Variants in VPS4B observed in about 807,000 individuals in gnomAD.
VPS4B encodes vacuolar protein sorting-associated protein 4B.
VPS4B carries 23 observed loss-of-function variants against 56.1 expected under a neutral mutation model. The ratio of observed to expected loss-of-function variants is 0.41; its 90% CI spans 0.30 to 0.58. The LOEUF (loss-of-function observed/expected upper bound fraction) is 0.58. Among genes scored for constraint, VPS4B ranks in the 20% least tolerant of loss-of-function variants. The pLI is 0.29. For missense variants in VPS4B, 372 were observed against 531.9 expected, an observed-to-expected ratio of 0.70 and a Z score of 2.96; for synonymous variants, 177 against 186.0, an observed-to-expected ratio of 0.95 and a Z score of 0.39.
chr18:63,400,224 T>A, intron 6 of VPS4B, 28 bp from the exon 7 acceptor site: 2 of 1,567,808 alleles, frequency 1.3e-6, no homozygotes, highest in Non-Finnish European at 8.6e-7. Context: ...CTTTTAAGTC[T>A]CTAAAAAATA....
At chr18:63,408,935 T>C (rs1915975184) in intron 3 of VPS4B, among the ~76,000 whole-genome samples, 2 of 152,172 alleles carry the variant, frequency 1.3e-5, no homozygotes, top group Admixed American at 1.3e-4. Context: ...GCTTCTGCTG[T>C]CAAGGGAGTC....
At chr18:63,419,480 G>C (rs1254413069) in intron 1 of VPS4B, among the ~76,000 whole-genome samples, 1 of 151,088 alleles carries the variant, frequency 6.6e-6, no homozygotes, top group Non-Finnish European at 1.5e-5. Context: ...TTTCTCCTTT[G>C]ATCAATCCTT....
chr18:63,415,346 ACT>A (rs1916137967), intron 1 of VPS4B: 1 of 194,228 alleles, frequency 5.1e-6, no homozygotes, highest in African/African-American at 2.4e-5. Context: ...GACATGTTTT[ACT>A]CTCTATCCTT....
chr18:63,400,294 C>T (rs772841686), intron 6 of VPS4B, 98 bp from the exon 7 acceptor site: 210 of 1,303,814 alleles, frequency 1.6e-4, no homozygotes, highest in Non-Finnish European at 2.0e-4. Context: ...ATTAAAAAGC[C>T]TAATCATGTT....
At chr18:63,419,391 T>C (rs1916242646) in intron 1 of VPS4B, among the ~76,000 whole-genome samples, 1 of 151,726 alleles carries the variant, frequency 6.6e-6, no homozygotes, top group Non-Finnish European at 1.5e-5. Context: ...CACTCCTGCC[T>C]GGGCAATAGA....
At chr18:63,415,731 C>A in intron 1 of VPS4B, 1 of 240,104 alleles carries the variant, frequency 4.2e-6, no homozygotes. Flanking sequence ...GCTGATGGAG[C>A]TGATGACAGA....
chr18:63,400,696 T>C lies in VPS4B; in HGVS notation c.492A>G (p.Arg164=), dbSNP rs2144418497. The stretch of plus-strand genomic sequence containing the variant: ...ATAATAGGATTCCCCTCCAAGGTGT[T>C]CTCTTGCCTAAAATTTAGATTTAGA... ...IKFPHLFTGK[R]TPWRGILLFG... The change falls in exon 6 of 11, where the codon AGA becomes AGG. Residue 164 remains arginine, a synonymous_variant. Transcript: ENST00000238497. 6.3e-7 allele frequency: 1 copy of C among 1,598,266 alleles called. No individual in the cohort carries two copies. Among genetic ancestry groups the C allele is most frequent in the East Asian group, 2.2e-5 (1 of 44,750 alleles).
Position 63,403,787 on chromosome 18 carries a change from T to A in VPS4B, c.404A>T (p.Asp135Val), listed in dbSNP as rs201158795. The A allele has an allele frequency of 2.3e-5, 37 of 1,613,114 alleles. No individual in the cohort carries two copies. Reference sequence around the variant, plus strand: ...TTTGGCTCCTTCAAGTCCAGCAACGTCACTCCATTTCACATTTGGTCGTTC... The same window carrying A: ...TTTGGCTCCTTCAAGTCCAGCAACGACACTCCATTTCACATTTGGTCGTTC... ...VIERPNVKWS[D>V]VAGLEGAKEA... The change falls in exon 5 of 11, where the codon GAC becomes GTC. Residue 135 changes from aspartate (D) to valine (V), a missense_variant. Asp to Val is a radical substitution (Grantham distance 152, BLOSUM62 -3). Around this residue, in one of 3 missense-constraint regions of VPS4B, gnomAD observed 153 missense variants for 190.3 expected, o/e 0.80. Transcript: ENST00000238497.
chr18:63,412,027 A>C (rs1599364764), intron 1 of VPS4B, among the ~76,000 whole-genome samples: 1 of 152,242 alleles, frequency 6.6e-6, no homozygotes, highest in Admixed American at 6.5e-5. Flanking sequence ...CCTCTTCAGA[A>C]GCAATGGGGC....
At chr18:63,419,462 C>A (rs1916246019) in intron 1 of VPS4B, among the ~76,000 whole-genome samples, 2 of 152,048 alleles carry the variant, frequency 1.3e-5, no homozygotes, top group African/African-American at 4.8e-5. Context: ...TCTTCTCCAT[C>A]TTCAATTTTT....
Position 63,397,157 on chromosome 18 carries a change from T to A in VPS4B, c.969A>T (p.Glu323Asp), listed in dbSNP as rs757387117. Reference protein sequence around the residue: ...HLGTTQNSLTEADFRELGRKT... With the variant: ...HLGTTQNSLTDADFRELGRKT... Reference sequence around the variant, plus strand: ...TCCTCCCAAGTTCCCGAAAGTCTGCTTCCGTGAGACTGTTCTGAGTGGTCC... The same window carrying A: ...TCCTCCCAAGTTCCCGAAAGTCTGCATCCGTGAGACTGTTCTGAGTGGTCC... Residue 323 changes from glutamate (E) to aspartate (D), a missense_variant, in exon 9 of 11, where the codon GAA becomes GAT. Around this residue, in one of 3 missense-constraint regions of VPS4B, gnomAD observed 153 missense variants for 190.9 expected, o/e 0.80. Coordinates refer to ENST00000238497, the MANE Select transcript of VPS4B (RefSeq NM_004869.4). 6.2e-7 allele frequency: 1 copy of A among 1,614,216 alleles called. No homozygotes were observed. Among genetic ancestry groups the A allele is most frequent in the South Asian group, 1.1e-5 (1 of 91,086 alleles).
chr18:63,416,347 G>GTCC (rs1202964258), intron 1 of VPS4B: 2 of 161,592 alleles, frequency 1.2e-5, no homozygotes, highest in Admixed American at 1.3e-4. Flanking sequence ...GCCTCTGGAG[G>GTCC]TCCTGGCTGT....
At chr18:63,411,862 G>A (rs780758403) in intron 1 of VPS4B, among the ~76,000 whole-genome samples, 1 of 152,088 alleles carries the variant, frequency 6.6e-6, no homozygotes, top group Non-Finnish European at 1.5e-5. Flanking sequence ...ACATTTACAT[G>A]TAATTTTCAC....
chr18:63,405,884 G>A (rs1001363973), intron 4 of VPS4B, among the ~76,000 whole-genome samples: 1 of 152,038 alleles, frequency 6.6e-6, no homozygotes, highest in Non-Finnish European at 1.5e-5. Flanking sequence ...TACTCAGGAG[G>A]CTGAGGCAGG....
intron 7 of VPS4B, 22 bp from the exon 8 acceptor site, chr18:63,399,345 TTTAA>T: frequency 6.3e-7 from 1 of 1,591,082 alleles, no homozygotes; most frequent in Non-Finnish European, 8.6e-7. Flanking sequence ...TAGGTAATGC[TTTAA>T]TTAATTTGTC....
intron 10 of VPS4B, 126 bp downstream of exon 10, chr18:63,393,283 T>A: frequency 1.2e-6 from 1 of 847,434 alleles, no homozygotes; most frequent in East Asian, 3.3e-5. Context: ...TAATTTTTAA[T>A]GAGTCAACAA....
intron 10 of VPS4B, among the ~76,000 whole-genome samples, chr18:63,392,764 T>G (rs1915580478): frequency 6.7e-6 from 1 of 149,694 alleles, no homozygotes; most frequent in East Asian, 2.0e-4. Context: ...TTTGTTTTTT[T>G]TTTGGAGACA....
At chr18:63,403,663 C>T (rs1207406683) in intron 5 of VPS4B, 44 bp downstream of exon 5, 1 of 1,556,322 alleles carries the variant, frequency 6.4e-7, no homozygotes, top group Non-Finnish European at 8.7e-7. Flanking sequence ...CATCAATGAA[C>T]TTTTACAAAC....
At chr18:63,418,657 C>G (rs572254597) in intron 1 of VPS4B, among the ~76,000 whole-genome samples, 32 of 152,318 alleles carry the variant, frequency 2.1e-4, no homozygotes, top group Non-Finnish European at 4.3e-4. Context: ...GCCTCGGCCT[C>G]CCAAAACACT....
Sources: allele counts gnomAD v4.1 joint callset (sites outside exome capture counted in the v4.1 genomes callset), GRCh38; gene constraint gnomAD v4.1.1; regional missense constraint gnomAD v4.1.1; transcripts MANE v1.5; gene names NCBI Gene and HGNC (gene_info 2026-07-23, HGNC 2026-07-21).